Variants in RIT2 observed in about 807,000 individuals in gnomAD.
RIT2 encodes the protein GTP-binding protein Rit2.
A neutral mutation model predicts 23.7 loss-of-function variants in RIT2; 24 were observed. The observed-to-expected ratio is 1.01, with a 90% CI of 0.73 to 1.43. The LOEUF (loss-of-function observed/expected upper bound fraction) is 1.43. Among genes scored for constraint, RIT2 ranks in the 40% most tolerant of loss-of-function variants. The pLI is 0.00. For synonymous variants in RIT2, 107 were observed against 91.1 expected (o/e 1.17, Z -0.99); for missense variants, 236 against 266.9 (o/e 0.88, Z 0.81).
At chr18:42,988,796 T>C (rs546212892) in intron 2 of RIT2, among the ~76,000 whole-genome samples, 1 of 152,134 alleles carries the variant, frequency 6.6e-6, no homozygotes, top group East Asian at 1.9e-4. Context: ...GGGAGAGAAA[T>C]ACTGCTAATA....
intron 4 of RIT2, chr18:42,923,369 G>C: frequency 1.8e-6 from 1 of 571,038 alleles, no homozygotes; most frequent in Non-Finnish European, 3.1e-6. Context: ...ACTAGTAAGG[G>C]CACTCTGCAA....
At position 43,009,191 on chromosome 18, in the gene RIT2, T is replaced by G. The variant is rs190532292; in HGVS notation, c.160+24620A>C. 2.7e-3 allele frequency among the ~76,000 whole-genome samples: 417 copies of G among 151,760 alleles called. 1 individual carries two copies. The highest frequency in any genetic ancestry group is 4.7e-3 in the Non-Finnish European group (318 of 67,788). On this transcript the variant is annotated intron_variant, in intron 2 of 4. Coordinates refer to ENST00000326695, the MANE Select transcript of RIT2 (RefSeq NM_002930.4). ...AAACCGAAGACATCCTAATTCCCCA[T>G]GTCTACACTAGAAAAAAAATTAGTT...
intron 4 of RIT2, among the ~76,000 whole-genome samples, chr18:42,902,438 G>A (rs598839): frequency 0.94 from 142,590 of 151,736 alleles, 67,015 homozygotes; most frequent in East Asian, 1. Flanking sequence ...GAGCTTCAAA[G>A]TTACTGAGGA....
At chr18:43,061,944 G>A (rs1215633333) in intron 1 of RIT2, among the ~76,000 whole-genome samples, 1 of 152,042 alleles carries the variant, frequency 6.6e-6, no homozygotes, top group Admixed American at 6.6e-5. Context: ...GAGTAAAAGA[G>A]CTGTCATTCT....
chr18:42,872,400 T>C (rs1431919464), intron 4 of RIT2, among the ~76,000 whole-genome samples: 2 of 152,196 alleles, frequency 1.3e-5, no homozygotes, highest in Non-Finnish European at 2.9e-5. Flanking sequence ...GATGTCAAAA[T>C]TGCTGCCAGA....
At chr18:42,986,035 T>C (rs1419119205) in intron 2 of RIT2, among the ~76,000 whole-genome samples, 1 of 151,400 alleles carries the variant, frequency 6.6e-6, no homozygotes. Flanking sequence ...GTATGGTTTT[T>C]TCTTTTCTTT....
At chr18:43,025,604 G>C (rs1911698326) in intron 2 of RIT2, among the ~76,000 whole-genome samples, 1 of 151,858 alleles carries the variant, frequency 6.6e-6, no homozygotes, top group African/African-American at 2.4e-5. Flanking sequence ...CACATACATA[G>C]ATATATATGT....
chr18:42,947,528 C>A (rs926034974), intron 3 of RIT2, among the ~76,000 whole-genome samples: 3 of 152,060 alleles, frequency 2.0e-5, no homozygotes, highest in Admixed American at 2.0e-4. Context: ...TCTGATTTTG[C>A]AGGGCATATT....
At chr18:42,939,315 AC>A (rs1407465914) in intron 3 of RIT2, among the ~76,000 whole-genome samples, 1 of 152,072 alleles carries the variant, frequency 6.6e-6, no homozygotes, top group Non-Finnish European at 1.5e-5. Flanking sequence ...AAGAGTACCT[AC>A]CCCATAAGGT....
At chr18:42,912,440 T>A (rs1324843010) in intron 4 of RIT2, among the ~76,000 whole-genome samples, 1 of 151,830 alleles carries the variant, frequency 6.6e-6, no homozygotes, top group Admixed American at 6.6e-5. Context: ...AGGCAAGGAA[T>A]GGAAATTAAA....
chr18:42,931,581 T>G (rs1227226144), intron 3 of RIT2, among the ~76,000 whole-genome samples: 1 of 152,154 alleles, frequency 6.6e-6, no homozygotes, highest in Non-Finnish European at 1.5e-5. Flanking sequence ...TGACTTGTAT[T>G]TTGTCAAAGA....
Position 42,974,167 on chromosome 18 carries a change from A to G in RIT2, c.161-20T>C, listed in dbSNP as rs765778737. The G allele has an allele frequency of 1.3e-6, 2 of 1,556,460 alleles. No individual in the cohort carries two copies. Among genetic ancestry groups the G allele is most frequent in the Non-Finnish European group, 1.8e-6 (2 of 1,130,916 alleles). On this transcript the variant is annotated intron_variant, in intron 2 of 4. Transcript: ENST00000326695. ...CATCTTCTGAAAAACACAAGACAAC[A>G]TTTACATTTAAATGTGACAGGAAAG...
chr18:42,858,063 C>T (rs1907233598), intron 4 of RIT2, among the ~76,000 whole-genome samples: 1 of 152,074 alleles, frequency 6.6e-6, no homozygotes, highest in Non-Finnish European at 1.5e-5. Flanking sequence ...CGCCTGTAAT[C>T]CCAGCTACTC....
intron 3 of RIT2, among the ~76,000 whole-genome samples, chr18:42,963,588 G>T (rs1910142041): frequency 6.6e-6 from 1 of 152,142 alleles, no homozygotes; most frequent in East Asian, 1.9e-4. Flanking sequence ...TCATCAAAAT[G>T]TTGTGAAAGG....
At chr18:42,765,683 T>C (rs1469803980) in intron 4 of RIT2, among the ~76,000 whole-genome samples, 3 of 152,158 alleles carry the variant, frequency 2.0e-5, no homozygotes, top group Non-Finnish European at 1.5e-5. Context: ...CTATTATGTA[T>C]GTTTATATGC....
At chr18:42,828,926 G>T (rs1906380326) in intron 4 of RIT2, among the ~76,000 whole-genome samples, 1 of 152,156 alleles carries the variant, frequency 6.6e-6, no homozygotes, top group Admixed American at 6.5e-5. Flanking sequence ...AAAATTAAGA[G>T]GCTCTTTGGA....
At chr18:42,968,553 CT>C (rs1459433231) in intron 3 of RIT2, among the ~76,000 whole-genome samples, 2 of 152,166 alleles carry the variant, frequency 1.3e-5, no homozygotes, top group Non-Finnish European at 2.9e-5. Flanking sequence ...CATATTCTGT[CT>C]TCTCATAGTT....
rs532112860 is a variant in RIT2 at position 42,994,340 on chromosome 18, C to T, written c.161-20193G>A. On this transcript the variant is annotated intron_variant, in intron 2 of 4. Coordinates refer to ENST00000326695, the MANE Select transcript of RIT2 (RefSeq NM_002930.4). ...AATTCTTCATAAAAACACACATGCT[C>T]TCCCTGCCGATCGTGTCCGACTGAT... 5.3e-5 allele frequency among the ~76,000 whole-genome samples: 8 copies of T among 152,272 alleles called. No homozygotes were observed. In the South Asian group the frequency reaches 1.7e-3, roughly 32 times the overall value.
intron 1 of RIT2, among the ~76,000 whole-genome samples, chr18:43,049,972 C>CCTTTTTTTTTT (rs1912337363): frequency 1.5e-5 from 1 of 66,014 alleles, no homozygotes; most frequent in Admixed American, 2.3e-4. Context: ...AAGGGATTTC[C>CCTTTTTTTTTT]TTTTTTTTTT....
Sources: gnomAD v4.1 joint callset for allele counts (sites outside exome capture counted in the v4.1 genomes callset) on GRCh38, gnomAD v4.1.1 for gene constraint, MANE v1.5 for transcripts, NCBI Gene and HGNC (gene_info 2026-07-23, HGNC 2026-07-21) for gene names.